TAX1BP1: variants seen among roughly 807,000 people sequenced by gnomAD.
The protein encoded by TAX1BP1 is tax1-binding protein 1.
In TAX1BP1, 62 loss-of-function variants were observed where a neutral mutation model predicts 97.7. The observed-to-expected ratio is 0.63, with a 90% CI of 0.52 to 0.78. The LOEUF is 0.78. Ranked by LOEUF, TAX1BP1 falls within the 30% of genes least tolerant of loss-of-function variation. The probability of loss-of-function intolerance (pLI) is 0.00; values close to 1 mark genes in which losing one functional copy is unlikely to be tolerated. For synonymous variants in TAX1BP1, 340 were observed against 304.2 expected (o/e 1.12, Z -1.23); for missense variants, 867 against 916.1 (o/e 0.95, Z 0.69).
rs756166171 is a variant in TAX1BP1, at chr7:27,828,791, C to T, written c.2332C>T (p.Gln778Ter). The T allele has an allele frequency of 9.3e-6, 15 of 1,611,388 alleles. No homozygotes were observed. The highest frequency in any genetic ancestry group is 1.2e-5 in the Non-Finnish European group (14 of 1,179,092). Residue 778 changes from glutamine (Q) to a stop codon, truncating the protein, a stop_gained, in exon 17 of 17, where the codon CAG (glutamine) becomes TAG (stop). Coordinates refer to ENST00000396319, the MANE Select transcript of TAX1BP1 (RefSeq NM_006024.7). LOFTEE classifies it high-confidence loss of function. ...CCAGCAGGTGTTTGAAAGGCATGTG[C>T]AGACCCATTTTGATCAGAATGTTCT... Reference protein sequence around the residue: ...YDQQVFERHVQTHFDQNVLNF... With the variant: ...YDQQVFERHV
intron 4 of TAX1BP1, among the ~76,000 whole-genome samples, chr7:27,768,882 A>G (rs1013374617): frequency 2.0e-5 from 3 of 151,982 alleles, no homozygotes; most frequent in African/African-American, 7.2e-5. Context: ...GGGTGTATGG[A>G]GGAAAAACAT....
chr7:27,760,519 A>T (rs527908088), intron 3 of TAX1BP1, among the ~76,000 whole-genome samples: 1 of 151,800 alleles, frequency 6.6e-6, no homozygotes, highest in African/African-American at 2.4e-5. Context: ...CAGCCTCCCA[A>T]GTAGCTGGGA....
At chr7:27,797,233 G>A (rs1789969628) in intron 12 of TAX1BP1, among the ~76,000 whole-genome samples, 1 of 151,936 alleles carries the variant, frequency 6.6e-6, no homozygotes. Flanking sequence ...TCCTGACCTC[G>A]TGATCCACTC....
intron 2 of TAX1BP1, among the ~76,000 whole-genome samples, chr7:27,753,999 C>T (rs1266728018): frequency 6.6e-6 from 1 of 152,098 alleles, no homozygotes; most frequent in Non-Finnish European, 1.5e-5. Flanking sequence ...AATTGGAATT[C>T]TCACATCTCC....
intron 8 of TAX1BP1, among the ~76,000 whole-genome samples, chr7:27,789,073 C>A (rs1446113630): frequency 6.6e-6 from 1 of 152,042 alleles, no homozygotes; most frequent in Non-Finnish European, 1.5e-5. Context: ...CAGCCGTACA[C>A]ACCAGTGTTT....
chr7:27,763,489 G>A (rs899390829), intron 3 of TAX1BP1, among the ~76,000 whole-genome samples: 2 of 151,934 alleles, frequency 1.3e-5, no homozygotes, highest in Non-Finnish European at 2.9e-5. Flanking sequence ...CCTTGAGGCC[G>A]GGCACGGTGG....
In TAX1BP1 at chr7:27,793,209, A is replaced by G; in HGVS notation, c.1407A>G (p.Gln469=). The G allele has an allele frequency of 3.2e-6, 5 of 1,570,584 alleles. No homozygotes were observed. Among genetic ancestry groups the G allele is most frequent in the East Asian group, 2.3e-5 (1 of 43,702 alleles). Residue 469 remains glutamine, a synonymous_variant, in exon 10 of 17, where the codon CAA becomes CAG. Transcript: ENST00000396319. Reference sequence around the variant, plus strand: ...AACAAATAAACAAACTTTCAGATCAATCAGTAAGTATCATTAAATTTACAC... The same window carrying G: ...AACAAATAAACAAACTTTCAGATCAGTCAGTAAGTATCATTAAATTTACAC... ...LQKQINKLSD[Q]SANNNNVFTK... is the part of the protein sequence containing the mutation.
intron 5 of TAX1BP1, among the ~76,000 whole-genome samples, chr7:27,775,693 A>G (rs768205042): frequency 6.6e-6 from 1 of 152,110 alleles, no homozygotes; most frequent in African/African-American, 2.4e-5. Context: ...GCCAGGCTGC[A>G]ATTGCCCTAC....
Position 27,793,054 on chromosome 7 carries a change from GTTTC to G in TAX1BP1, c.1264-6_1264-3del. ...TTTTTATTTTTTTCTTCAAATGTTTGTTTCTTTCTAGGACAAGACTGATACACTG... is the reference window on the plus strand; with the variant it reads ...TTTTTATTTTTTTCTTCAAATGTTTGTTTCTAGGACAAGACTGATACACTG... On this transcript the variant is annotated splice_region_variant and splice_polypyrimidine_tract_variant and intron_variant, in intron 9 of 16. Transcript: ENST00000396319. The G allele has an allele frequency of 1.9e-6, 3 of 1,573,176 alleles. No individual in the cohort carries two copies. Among genetic ancestry groups the G allele is most frequent in the African/African-American group, 1.4e-5 (1 of 71,730 alleles).
intron 15 of TAX1BP1, among the ~76,000 whole-genome samples, chr7:27,823,296 C>G (rs1031930365): frequency 6.6e-6 from 1 of 152,142 alleles, no homozygotes; most frequent in African/African-American, 2.4e-5. Context: ...ATTGGGTACT[C>G]TCTTTTCTCT....
At chr7:27,760,549 T>C (rs1004910019) in intron 3 of TAX1BP1, among the ~76,000 whole-genome samples, 4 of 152,000 alleles carry the variant, frequency 2.6e-5, no homozygotes, top group South Asian at 4.2e-4. Context: ...CCCGCCACCA[T>C]GCCTGGCTAA....
At chr7:27,755,090 C>A (rs1206614803) in intron 2 of TAX1BP1, among the ~76,000 whole-genome samples, 1 of 151,948 alleles carries the variant, frequency 6.6e-6, no homozygotes, top group Non-Finnish European at 1.5e-5. Flanking sequence ...CATTTTTTTC[C>A]TAAAGGAACT....
At chr7:27,742,525 A>G (rs1271059485) in intron 1 of TAX1BP1, among the ~76,000 whole-genome samples, 1 of 152,216 alleles carries the variant, frequency 6.6e-6, no homozygotes. Context: ...TCAAGGCAGA[A>G]TAATTTTTCT....
At chr7:27,748,418 C>G in intron 1 of TAX1BP1, 100 bp from the exon 2 acceptor site, 1 of 789,284 alleles carries the variant, frequency 1.3e-6, no homozygotes, top group Non-Finnish European at 1.8e-6. Context: ...TTATGACATG[C>G]AAATATTCAT....
chr7:27,828,792 A>G lies in TAX1BP1; in HGVS notation c.2333A>G (p.Gln778Arg), dbSNP rs1446027417. 6.2e-7 allele frequency: 1 copy of G among 1,613,730 alleles called. No individual in the cohort carries two copies. Among genetic ancestry groups the G allele is most frequent in the Non-Finnish European group, 8.5e-7 (1 of 1,179,888 alleles). ...YDQQVFERHV[Q>R]THFDQNVLNF... ...CAGCAGGTGTTTGAAAGGCATGTGC[A>G]GACCCATTTTGATCAGAATGTTCTA... is the stretch of plus-strand genomic sequence containing the variant. Residue 778 changes from glutamine (Q) to arginine (R), a missense_variant, in exon 17 of 17, where the codon CAG becomes CGG. Gln to Arg is a conservative substitution (Grantham distance 43). Around this residue, in one of 3 missense-constraint regions of TAX1BP1, gnomAD observed 34 missense variants for 33.2 expected, o/e 1.02. Transcript: ENST00000396319.
chr7:27,766,419 C>CAAAAAAAAAAAA (rs201297532), intron 4 of TAX1BP1, among the ~76,000 whole-genome samples: 4 of 76,906 alleles, frequency 5.2e-5, no homozygotes, highest in South Asian at 3.9e-4. Flanking sequence ...GACTCCGTAT[C>CAAAAAAAAAAAA]AAAAAAAAAA....
At chr7:27,809,910 CT>C (rs112475856) in intron 13 of TAX1BP1, among the ~76,000 whole-genome samples, 318 of 143,482 alleles carry the variant, frequency 2.2e-3, no homozygotes, top group Non-Finnish European at 2.1e-3. Flanking sequence ...TCTTTTGTGC[CT>C]TTTTTTTTTT....
chr7:27,814,083 A>AC (rs1034676486), intron 13 of TAX1BP1, among the ~76,000 whole-genome samples: 5 of 148,804 alleles, frequency 3.4e-5, no homozygotes, highest in African/African-American at 1.2e-4. Context: ...GGTGTGAGCC[A>AC]CCGCACTTGG....
At chr7:27,827,689 A>G in intron 15 of TAX1BP1, 49 bp from the exon 16 acceptor site, 1 of 1,481,422 alleles carries the variant, frequency 6.8e-7, no homozygotes, top group Non-Finnish European at 9.4e-7. Context: ...TAAGGAATTT[A>G]TATTTGGTTT....
Sources: allele counts gnomAD v4.1 joint callset (sites outside exome capture counted in the v4.1 genomes callset), GRCh38; gene constraint gnomAD v4.1.1; regional missense constraint gnomAD v4.1.1; transcripts MANE v1.5; gene names NCBI Gene and HGNC (gene_info 2026-07-23, HGNC 2026-07-21).